ZMAT3: variants seen among roughly 807,000 people sequenced by gnomAD.
ZMAT3 encodes the protein zinc finger matrin-type protein 3.
Under a neutral mutation model 32.3 loss-of-function variants are expected in ZMAT3, and 17 were observed. The ratio of observed to expected loss-of-function variants is 0.53; its 90% CI spans 0.36 to 0.79. The LOEUF is 0.79. ZMAT3 is among the 30% of genes least tolerant of loss of function. The probability of loss-of-function intolerance (pLI) is 0.00; values close to 1 mark genes in which losing one functional copy is unlikely to be tolerated. For missense variants in ZMAT3, 329 were observed against 359.7 expected (o/e 0.91, Z 0.69); for synonymous variants, 120 against 133.1 (o/e 0.90, Z 0.68).
chr3:179,053,348 T>G (rs1576866851), intron 2 of ZMAT3, among the ~76,000 whole-genome samples: 1 of 151,582 alleles, frequency 6.6e-6, no homozygotes, highest in Non-Finnish European at 1.5e-5. Flanking sequence ...TATAAATAAC[T>G]GAATAAATAA....
At chr3:179,039,478 C>G (rs1266298899) in intron 2 of ZMAT3, among the ~76,000 whole-genome samples, 2 of 152,182 alleles carry the variant, frequency 1.3e-5, no homozygotes, top group African/African-American at 4.8e-5. Flanking sequence ...TCCAACAGAC[C>G]TGCAGCTGAG....
chr3:179,054,406 T>A (rs1720724613), intron 2 of ZMAT3, among the ~76,000 whole-genome samples: 1 of 152,170 alleles, frequency 6.6e-6, no homozygotes. Flanking sequence ...GACCTCAAAG[T>A]CCGCGATTTC....
intron 2 of ZMAT3, among the ~76,000 whole-genome samples, chr3:179,032,564 T>C (rs1287341204): frequency 6.6e-6 from 1 of 151,392 alleles, no homozygotes; most frequent in Admixed American, 6.6e-5. Context: ...GAGGTGCGTC[T>C]CTGCCCGGCC....
intron 5 of ZMAT3, 41 bp downstream of exon 5, chr3:179,027,382 G>T: frequency 6.4e-7 from 1 of 1,554,676 alleles, no homozygotes; most frequent in Non-Finnish European, 8.9e-7. Context: ...AGGAGACTAG[G>T]TACAGAATGT....
intron 2 of ZMAT3, among the ~76,000 whole-genome samples, chr3:179,032,951 G>C (rs1229515733): frequency 1.3e-5 from 2 of 152,172 alleles, no homozygotes; most frequent in Admixed American, 6.5e-5. Context: ...GAATTGAGGA[G>C]CCTCTCTGCC....
intron 2 of ZMAT3, among the ~76,000 whole-genome samples, chr3:179,055,371 A>G (rs1340305782): frequency 1.3e-5 from 2 of 152,172 alleles, no homozygotes; most frequent in Non-Finnish European, 2.9e-5. Flanking sequence ...GTGAAGTGCC[A>G]TATGTGCAAA....
chr3:179,040,479 ACTAAG>A (rs1331905015), intron 2 of ZMAT3, among the ~76,000 whole-genome samples: 8 of 152,190 alleles, frequency 5.3e-5, no homozygotes, highest in Non-Finnish European at 1.0e-4. Flanking sequence ...ATCCAGCCAA[ACTAAG>A]CTTCATAAGT....
At chr3:179,068,539 A>T (rs1721542645) in intron 1 of ZMAT3, among the ~76,000 whole-genome samples, 1 of 152,160 alleles carries the variant, frequency 6.6e-6, no homozygotes, top group South Asian at 2.1e-4. Flanking sequence ...CCAGCTAAAA[A>T]TCTTAGCAAA....
chr3:179,038,896 CA>C (rs1246305851), intron 2 of ZMAT3, among the ~76,000 whole-genome samples: 1 of 152,264 alleles, frequency 6.6e-6, no homozygotes, highest in Non-Finnish European at 1.5e-5. Context: ...AACCGGAAAA[CA>C]AGGAGATACT....
chr3:179,063,301 C>T (rs1246650273), intron 2 of ZMAT3, among the ~76,000 whole-genome samples: 2 of 152,174 alleles, frequency 1.3e-5, no homozygotes, highest in East Asian at 3.8e-4. Flanking sequence ...AATGTAAGTG[C>T]CAAAATCAGT....
chr3:179,070,597 G>A (rs1370234476), intron 1 of ZMAT3, among the ~76,000 whole-genome samples: 1 of 152,172 alleles, frequency 6.6e-6, no homozygotes, highest in Non-Finnish European at 1.5e-5. Flanking sequence ...ATGAATGATG[G>A]AATACAGAGA....
At chr3:179,045,394 T>TA (rs1193554889) in intron 2 of ZMAT3, among the ~76,000 whole-genome samples, 1 of 152,148 alleles carries the variant, frequency 6.6e-6, no homozygotes, top group Non-Finnish European at 1.5e-5. Context: ...AGTGACCACC[T>TA]ACAGGACAAC....
At chr3:179,053,244 C>A (rs1338425484) in intron 2 of ZMAT3, among the ~76,000 whole-genome samples, 1 of 149,180 alleles carries the variant, frequency 6.7e-6, no homozygotes, top group Non-Finnish European at 1.5e-5. Context: ...TAAAATATAT[C>A]TACAAAATAT....
At position 179,018,566 on chromosome 3, in the gene ZMAT3, A is replaced by C. The variant is rs1174353080; in HGVS notation, c.*6451T>G. 6.6e-6 allele frequency: 1 copy of C among 152,178 alleles called. No homozygotes were observed. Among genetic ancestry groups the C allele is most frequent in the African/African-American group, 2.4e-5 (1 of 41,460 alleles). The allele number at this position is 152,178 out of a possible 1,614,324, so 9.4% of individuals were successfully genotyped here. A position where few individuals can be genotyped will look rare whatever the true frequency, so the allele number is the denominator to read the frequency against. On this transcript the variant is annotated 3_prime_UTR_variant, in exon 6 of 6. Coordinates refer to ENST00000311417, the MANE Select transcript of ZMAT3 (RefSeq NM_022470.4). ...AACACACACAAGAATATGAATCTGG[A>C]ACATTTCAATTCTGATTCAATTCTA...
In ZMAT3 at chr3:179,023,811, C is replaced by T. The variant is rs1718698861; in HGVS notation, c.*1206G>A. 7.0e-6 allele frequency: 1 copy of T among 142,052 alleles called. No homozygotes were observed. The highest frequency in any genetic ancestry group is 2.3e-4 in the South Asian group (1 of 4,380). 8.8% of individuals were successfully genotyped at this position (142,052 alleles called of 1,614,324 possible). On this transcript the variant is annotated 3_prime_UTR_variant, in exon 6 of 6. Coordinates refer to ENST00000311417, the MANE Select transcript of ZMAT3 (RefSeq NM_022470.4). ...TCTCGGCTCACTGCAAGCTCCGCCT[C>T]CCGGGTTCACGCCATTCTCCTGCCT...
intron 2 of ZMAT3, among the ~76,000 whole-genome samples, chr3:179,061,954 A>G (rs965016908): frequency 6.6e-6 from 1 of 152,218 alleles, no homozygotes; most frequent in Non-Finnish European, 1.5e-5. Context: ...AAGTAAAACT[A>G]TAGCCAGCTC....
Position 179,023,350 on chromosome 3 carries a change from T to C in ZMAT3, c.*1667A>G, listed in dbSNP as rs1718650872. ...CCAAAGTGATCTATCATATACTTGT[T>C]AGTATCTTCAAGAAAGCCGAATTAC... On this transcript the variant is annotated 3_prime_UTR_variant, in exon 6 of 6. Transcript: ENST00000311417. The C allele has an allele frequency of 6.6e-6, 1 of 152,008 alleles. No individual in the cohort carries two copies. Among genetic ancestry groups the C allele is most frequent in the African/African-American group, 2.4e-5 (1 of 41,414 alleles). 9.4% of individuals were successfully genotyped at this position (152,008 alleles called of 1,614,324 possible).
At chr3:179,031,912 A>T (rs1318042644) in intron 2 of ZMAT3, among the ~76,000 whole-genome samples, 4 of 5,620 alleles carry the variant, frequency 7.1e-4, no homozygotes, top group Non-Finnish European at 9.8e-4. Context: ...GTCTCAAATA[A>T]AAAAAAAAAA....
At chr3:179,066,853 C>T (rs1264934877) in intron 2 of ZMAT3, among the ~76,000 whole-genome samples, 1 of 152,160 alleles carries the variant, frequency 6.6e-6, no homozygotes, top group Non-Finnish European at 1.5e-5. Context: ...ATCTTAAAAA[C>T]CAGTATTAGT....
Sources: gnomAD v4.1 joint callset for allele counts (sites outside exome capture counted in the v4.1 genomes callset) on GRCh38, gnomAD v4.1.1 for gene constraint, MANE v1.5 for transcripts, NCBI Gene and HGNC (gene_info 2026-07-23, HGNC 2026-07-21) for gene names.